The following AGAP1 variants were observed in gnomAD, a reference collection of about 807,000 sequenced individuals.
AGAP1 encodes ArfGAP with GTPase domain, ankyrin repeat and PH domain 1.
Under a neutral mutation model 105.3 loss-of-function variants are expected in AGAP1, and 29 were observed. The ratio of observed to expected loss-of-function variants is 0.28; its 90% CI spans 0.21 to 0.38. The LOEUF (loss-of-function observed/expected upper bound fraction) is 0.38, where lower values mean the gene tolerates loss of function less well. Ranked by LOEUF, AGAP1 falls within the 10% of genes least tolerant of loss-of-function variation. AGAP1 has a pLI of 1.00. For missense variants in AGAP1, 998 were observed against 1,165.1 expected (o/e 0.86, Z 2.09); for synonymous variants, 509 against 485.9 (o/e 1.05, Z -0.63).
Position 235,734,347 on chromosome 2 carries a change from G to A in AGAP1, c.311-6616G>A, listed in dbSNP as rs1575265981. ...TCCCTTCCAGTCTGAACCCCACAGC[G>A]CTGGGCGGTTGACGAGGTGTGGCCA... On this transcript the variant is annotated intron_variant, in intron 3 of 17. Coordinates refer to ENST00000304032, the MANE Select transcript of AGAP1 (RefSeq NM_001037131.3). The surrounding 1 kb of genome is among the most constrained non-coding windows in gnomAD (Gnocchi z 5.3). 1.3e-5 allele frequency among the ~76,000 whole-genome samples: 2 copies of A among 152,068 alleles called. No individual in the cohort carries two copies. The highest frequency in any genetic ancestry group is 2.4e-5 in the African/African-American group (1 of 41,408).
chr2:235,771,032 C>T (rs932406588), intron 6 of AGAP1, among the ~76,000 whole-genome samples: 3 of 152,158 alleles, frequency 2.0e-5, no homozygotes, highest in African/African-American at 7.2e-5. Flanking sequence ...GAAGATGCTG[C>T]CTGGATGTTG....
Position 235,601,012 on chromosome 2 carries a change from TCTC to T in AGAP1, c.163+106164_163+106166del, listed in dbSNP as rs1425341334. Among the ~76,000 whole-genome samples the T allele has an allele frequency of 6.6e-6, 1 of 152,110 alleles. No homozygotes were observed. The highest frequency in any genetic ancestry group is 6.5e-5 in the Admixed American group (1 of 15,276). On this transcript the variant is annotated intron_variant, in intron 1 of 17. Coordinates refer to ENST00000304032, the MANE Select transcript of AGAP1 (RefSeq NM_001037131.3). The surrounding 1 kb of genome is among the most constrained non-coding windows in gnomAD (Gnocchi z 4.4). The stretch of plus-strand genomic sequence containing the variant: ...AGAGTCCTGGTAACGCCTCTCCTCT[TCTC>T]ACTGCCTTCAGTATCCAGCCAAGCT...
At chr2:235,630,809 C>T (rs948263231) in intron 1 of AGAP1, among the ~76,000 whole-genome samples, 4 of 152,172 alleles carry the variant, frequency 2.6e-5, no homozygotes, top group Non-Finnish European at 5.9e-5. Flanking sequence ...ACCATGGCAA[C>T]GCTCAGCCCC....
At chr2:235,619,514 A>T (rs1946410130) in intron 1 of AGAP1, among the ~76,000 whole-genome samples, 1 of 145,078 alleles carries the variant, frequency 6.9e-6, no homozygotes, top group African/African-American at 2.6e-5. Flanking sequence ...CTGGGGCTGA[A>T]GTGGGGGAGC....
chr2:236,048,623 G>C (rs757231257), intron 15 of AGAP1, among the ~76,000 whole-genome samples: 1 of 152,190 alleles, frequency 6.6e-6, no homozygotes, highest in African/African-American at 2.4e-5. Flanking sequence ...AGCAATGAAG[G>C]AATGACCAGA....
Position 235,793,529 on chromosome 2 carries a change from C to T in AGAP1, c.674-4230C>T, listed in dbSNP as rs1016651205. 2.0e-5 allele frequency among the ~76,000 whole-genome samples: 3 copies of T among 152,124 alleles called. No homozygotes were observed. The highest frequency in any genetic ancestry group is 6.5e-5 in the Admixed American group (1 of 15,274). On this transcript the variant is annotated intron_variant, in intron 6 of 17. Coordinates refer to ENST00000304032, the MANE Select transcript of AGAP1 (RefSeq NM_001037131.3). This position sits in a 1 kb window ranked among gnomAD's most constrained non-coding sequence, Gnocchi z 5.3. ...GTGTCATGAGCAGTCCCAGAGCCGTCGGATTGCTCTGGTGCACTTGCTGCC... is the reference window on the plus strand; with the variant it reads ...GTGTCATGAGCAGTCCCAGAGCCGTTGGATTGCTCTGGTGCACTTGCTGCC...
In AGAP1 at chr2:235,721,814, G is replaced by C. The variant is rs1951401485; in HGVS notation, c.310+4170G>C. Among the ~76,000 whole-genome samples, 1 of 152,184 alleles carries C rather than the reference G, an allele frequency of 6.6e-6. No homozygotes were observed. Among genetic ancestry groups the C allele is most frequent in the South Asian group, 2.1e-4 (1 of 4,830 alleles). On this transcript the variant is annotated intron_variant, in intron 3 of 17. Coordinates refer to ENST00000304032, the MANE Select transcript of AGAP1 (RefSeq NM_001037131.3). The surrounding 1 kb of genome is among the most constrained non-coding windows in gnomAD (Gnocchi z 4.5). ...TGTCTTCAGGGGAGAGCTCTCTTGT[G>C]GTAGAAACATTTCTGGTGCAGAGCC...
chr2:235,943,135 A>C (rs2053337728), intron 12 of AGAP1, among the ~76,000 whole-genome samples: 1 of 152,152 alleles, frequency 6.6e-6, no homozygotes, highest in Non-Finnish European at 1.5e-5. Flanking sequence ...TTTCCACATG[A>C]CTTTATACAA....
At chr2:235,670,455 A>G in intron 1 of AGAP1, 1 of 539,456 alleles carries the variant, frequency 1.9e-6, no homozygotes, top group South Asian at 2.1e-5. Context: ...GAACCCGCGG[A>G]CCTGGCCGGC....
chr2:235,522,668 G>A (rs2149053913), intron 1 of AGAP1, among the ~76,000 whole-genome samples: 1 of 152,296 alleles, frequency 6.6e-6, no homozygotes, highest in Admixed American at 6.5e-5. Context: ...CTGGCCACAA[G>A]GCAGAGGGGA....
At chr2:236,013,226 T>G (rs1420271926) in intron 13 of AGAP1, among the ~76,000 whole-genome samples, 1 of 152,234 alleles carries the variant, frequency 6.6e-6, no homozygotes, top group African/African-American at 2.4e-5. Flanking sequence ...AGGCTCAGGT[T>G]TCTCGCGTAT....
At position 236,087,506 on chromosome 2, in the gene AGAP1, TG is replaced by T. The variant is rs1272832311; in HGVS notation, c.2115-32684del. 3.9e-5 allele frequency among the ~76,000 whole-genome samples: 6 copies of T among 152,176 alleles called. No homozygotes were observed. Among genetic ancestry groups the T allele is most frequent in the Admixed American group, 3.9e-4 (6 of 15,280 alleles). On this transcript the variant is annotated intron_variant, in intron 16 of 17. Coordinates refer to ENST00000304032, the MANE Select transcript of AGAP1 (RefSeq NM_001037131.3). This position sits in a 1 kb window ranked among gnomAD's most constrained non-coding sequence, Gnocchi z 5.7. ...GCCCGCCCCACAGTCCCGGCTGAAATGGCAAATGCGGTGTAGGACTGTGGTG... is the reference window on the plus strand; with the variant it reads ...GCCCGCCCCACAGTCCCGGCTGAAATGCAAATGCGGTGTAGGACTGTGGTG...
intron 1 of AGAP1, among the ~76,000 whole-genome samples, chr2:235,533,974 G>T (rs1443562272): frequency 1.3e-5 from 2 of 152,250 alleles, no homozygotes; most frequent in African/African-American, 2.4e-5. Flanking sequence ...ACTTCTCCAG[G>T]GAGGGAGTGG....
At chr2:235,671,095 G>A (rs1357410057) in intron 1 of AGAP1, 4 of 1,254,676 alleles carry the variant, frequency 3.2e-6, no homozygotes, top group South Asian at 3.2e-5. Context: ...ACGGGAAGGG[G>A]CGTGGTGGGG....
At chr2:236,028,534 T>C (rs548613875) in intron 13 of AGAP1, among the ~76,000 whole-genome samples, 33 of 152,346 alleles carry the variant, frequency 2.2e-4, no homozygotes, top group African/African-American at 7.9e-4. Context: ...TGTTTGCTAG[T>C]GTACATTTTG....
chr2:235,649,972 A>G (rs957263167), intron 1 of AGAP1, among the ~76,000 whole-genome samples: 3 of 152,356 alleles, frequency 2.0e-5, no homozygotes, highest in Admixed American at 1.3e-4. Flanking sequence ...AAGGCAACAC[A>G]ATTCAGTAAA....
chr2:235,812,708 A>G (rs1958220465), intron 9 of AGAP1, among the ~76,000 whole-genome samples: 1 of 152,204 alleles, frequency 6.6e-6, no homozygotes, highest in South Asian at 2.1e-4. Context: ...CCCTTCCTTC[A>G]GGGGCATGGA....
intron 9 of AGAP1, among the ~76,000 whole-genome samples, chr2:235,858,214 G>GT (rs2048766833): frequency 1.3e-5 from 2 of 152,106 alleles, no homozygotes; most frequent in African/African-American, 4.8e-5. Flanking sequence ...TTTTTCTTTA[G>GT]TTAGTAAGCA....
chr2:235,550,495 C>G lies in AGAP1; in HGVS notation c.163+55646C>G, dbSNP rs1290248926. Among the ~76,000 whole-genome samples, 1 of 152,178 alleles carries G rather than the reference C, an allele frequency of 6.6e-6. No individual in the cohort carries two copies. The highest frequency in any genetic ancestry group is 1.5e-5 in the Non-Finnish European group (1 of 68,034). On this transcript the variant is annotated intron_variant, in intron 1 of 17. Transcript: ENST00000304032. The surrounding 1 kb of genome is among the most constrained non-coding windows in gnomAD (Gnocchi z 4.6). ...CATTCACAGCAGTGTCAGTGCCTGC[C>G]CAGAGTGTGCTAGAATGCCAGTTCT...
Sources: allele counts gnomAD v4.1 joint callset (sites outside exome capture counted in the v4.1 genomes callset), GRCh38; gene constraint gnomAD v4.1.1; non-coding constraint Gnocchi (gnomAD v3.1); transcripts MANE v1.5; gene names NCBI Gene and HGNC (gene_info 2026-07-23, HGNC 2026-07-21).